MORN1: variants seen among roughly 807,000 people sequenced by gnomAD.
MORN1 encodes MORN repeat-containing protein 1.
MORN1 carries 67 observed loss-of-function variants against 61.9 expected under a neutral mutation model. The observed-to-expected ratio is 1.08, with a 90% CI of 0.89 to 1.33. MORN1 has a LOEUF of 1.33. Among genes scored for constraint, MORN1 ranks in the 40% most tolerant of loss-of-function variants. The pLI, the probability that MORN1 is intolerant of heterozygous loss-of-function variation, is 0.00. For missense variants in MORN1, 752 were observed against 691.2 expected (o/e 1.09, Z -0.99); for synonymous variants, 301 against 292.0 (o/e 1.03, Z -0.31).
Position 2,359,862 on chromosome 1 carries a change from G to A in MORN1, c.746-1147C>T, listed in dbSNP as rs368073726. On this transcript the variant is annotated intron_variant, in intron 8 of 13. Transcript: ENST00000378531. ...CATGCCACTGCACTCCAGCCAGGGC[G>A]ACAGAGAGAGACTCCGTCTCAAAAA... Among the ~76,000 whole-genome samples, 11 of 146,786 alleles carry A rather than the reference G, an allele frequency of 7.5e-5. 1 individual carries two copies. The highest frequency in any genetic ancestry group is 1.8e-4 in the African/African-American group (7 of 39,276).
rs763008569 is a variant in MORN1 at position 2,379,124 on chromosome 1, A to C, written c.538-4567T>G. 18 of 471,068 alleles carry C rather than the reference A, an allele frequency of 3.8e-5. 1 individual carries two copies. Among genetic ancestry groups the C allele is most frequent in the South Asian group, 2.6e-4 (17 of 64,570 alleles). The allele number at this position is 471,068 out of a possible 1,614,324, so 29.2% of individuals were successfully genotyped here. ...GAAAACACACCTGCTGTCGAGAGGG[A>C]GAACAGGTCTCCCGGAGGGGCCTCA... On this transcript the variant is annotated intron_variant, in intron 6 of 13. Transcript: ENST00000378531.
chr1:2,325,140 C>CTTCCTTCCTTCCT (rs371807562), intron 12 of MORN1, among the ~76,000 whole-genome samples: 1 of 6,690 alleles, frequency 1.5e-4, no homozygotes, highest in Non-Finnish European at 2.5e-4. Flanking sequence ...CCTTCCCTCC[C>CTTCCTTCCTTCCT]TCCCTCCCTT....
rs141849531 is a variant in MORN1, at chr1:2,360,559, G to C, written c.746-1844C>G. Among the ~76,000 whole-genome samples, 5 of 152,276 alleles carry C rather than the reference G, an allele frequency of 3.3e-5. No homozygotes were observed. In the East Asian group the frequency reaches 7.7e-4, roughly 24 times the overall value. ...TTGAGGAAAATGAGCAGAGAATCTG[G>C]GGAACAAGGCACACAGTCAGAGTTT... On this transcript the variant is annotated intron_variant, in intron 8 of 13. Coordinates refer to ENST00000378531, the MANE Select transcript of MORN1 (RefSeq NM_024848.3).
chr1:2,384,438 A>G (rs996358507), intron 6 of MORN1, among the ~76,000 whole-genome samples: 6 of 152,362 alleles, frequency 3.9e-5, no homozygotes, highest in Middle Eastern at 3.4e-3. Flanking sequence ...CCTCTTTGGC[A>G]TCAGCACTAT....
At chr1:2,356,862 C>T (rs1172702598) in intron 10 of MORN1, among the ~76,000 whole-genome samples, 1 of 152,214 alleles carries the variant, frequency 6.6e-6, no homozygotes, top group African/African-American at 2.4e-5. Context: ...GTCTAGGCCG[C>T]ACATTCTATG....
At chr1:2,322,130 G>C in intron 13 of MORN1, 13 of 985,426 alleles carry the variant, frequency 1.3e-5, no homozygotes, top group Non-Finnish European at 1.4e-5. Flanking sequence ...GGCCCTGCTG[G>C]GGGCACTCGG....
chr1:2,354,367 C>G (rs1228980117), intron 10 of MORN1, among the ~76,000 whole-genome samples: 1 of 151,832 alleles, frequency 6.6e-6, no homozygotes, highest in East Asian at 2.0e-4. Flanking sequence ...GAGTTTGAGA[C>G]CAGCCTGGGC....
intron 12 of MORN1, among the ~76,000 whole-genome samples, chr1:2,324,942 C>T (rs564383979): frequency 1.7e-3 from 252 of 149,618 alleles, no homozygotes; most frequent in African/African-American, 5.9e-3. Flanking sequence ...ATGGCCCTGG[C>T]GGGGAGGAGG....
chr1:2,391,422 C>T, intron 1 of MORN1, 36 bp downstream of exon 1: 1 of 1,255,064 alleles, frequency 8.0e-7, no homozygotes, highest in Non-Finnish European at 1.0e-6. Context: ...GAGCCCAGGG[C>T]AGCCAGCGAC....
chr1:2,363,762 C>CAAAA (rs373554325), intron 8 of MORN1: 13,047 of 125,132 alleles, frequency 0.1, 2,212 homozygotes, highest in African/African-American at 0.35. Flanking sequence ...GACCTTGTCT[C>CAAAA]AAAAAAGAAA....
intron 6 of MORN1, among the ~76,000 whole-genome samples, chr1:2,383,625 G>A (rs574241033): frequency 1.3e-5 from 2 of 152,284 alleles, no homozygotes; most frequent in East Asian, 1.9e-4. Flanking sequence ...TCCTCTCCAC[G>A]GCCACAGCAG....
intron 10 of MORN1, among the ~76,000 whole-genome samples, chr1:2,345,094 C>A (rs868620915): frequency 6.6e-6 from 1 of 151,932 alleles, no homozygotes; most frequent in Non-Finnish European, 1.5e-5. Flanking sequence ...CGCGTGCTCA[C>A]GCTCTACGCT....
rs776249886 is a variant in MORN1, at chr1:2,358,572, T to C, written c.869+20A>G. The C allele has an allele frequency of 1.2e-5, 19 of 1,613,888 alleles. No homozygotes were observed. The highest frequency in any genetic ancestry group is 4.0e-5 in the African/African-American group (3 of 75,040). On this transcript the variant is annotated intron_variant, in intron 9 of 13. Transcript: ENST00000378531. ...TCAAAACAAACTCAGAACTAACTCA[T>C]TGGTGTCACACGTACTCACAATGGG...
chr1:2,322,566 A>C, intron 13 of MORN1: 1 of 985,250 alleles, frequency 1.0e-6, no homozygotes. Flanking sequence ...GAAAAAAAAA[A>C]ACACGGTTCT....
At chr1:2,376,344 T>A (rs1357255547) in intron 6 of MORN1, 2 of 152,320 alleles carry the variant, frequency 1.3e-5, no homozygotes, top group Non-Finnish European at 2.9e-5. Flanking sequence ...AGCTGAGGGC[T>A]CTTCAGGGCG....
intron 10 of MORN1, chr1:2,350,273 T>C (rs1262940469): frequency 1.3e-5 from 2 of 152,242 alleles, no homozygotes; most frequent in African/African-American, 4.8e-5. Flanking sequence ...GAAATCATCT[T>C]TTCTTCTCAA....
At position 2,327,765 on chromosome 1, in the gene MORN1, G is replaced by A. The variant is rs114767326; in HGVS notation, c.1251-3622C>T. Among the ~76,000 whole-genome samples the A allele has an allele frequency of 9.4e-3, 1,427 of 152,364 alleles. 24 individuals carry two copies. Among genetic ancestry groups the A allele is most frequent in the African/African-American group, 0.032 (1,326 of 41,598 alleles). On this transcript the variant is annotated intron_variant, in intron 12 of 13. Transcript: ENST00000378531. ...CTCTGCAAGGCTAACAAGGTGCTGC[G>A]CCCGGCTCCCTCCTCTTGCCTGTGC...
In MORN1 at chr1:2,357,716, C is replaced by T; in HGVS notation, c.870-118G>A. ...TTGCCTACACTGAGTCCAGGGAGCG[C>T]TACTCAGCCTCTCTGGGAGGTCTCC... is the stretch of plus-strand genomic sequence containing the variant. On this transcript the variant is annotated intron_variant, in intron 9 of 13. Coordinates refer to ENST00000378531, the MANE Select transcript of MORN1 (RefSeq NM_024848.3). The surrounding 1 kb of genome is among the most constrained non-coding windows in gnomAD (Gnocchi z 6.3). 4 of 1,201,046 alleles carry T rather than the reference C, an allele frequency of 3.3e-6. No individual in the cohort carries two copies. Among genetic ancestry groups the T allele is most frequent in the Non-Finnish European group, 4.4e-6 (4 of 901,438 alleles). The allele number at this position is 1,201,046 out of a possible 1,614,324, so 74.4% of individuals were successfully genotyped here. A position where few individuals can be genotyped will look rare whatever the true frequency, so the allele number is the denominator to read the frequency against.
At chr1:2,322,776 G>A (rs1042099791) in intron 13 of MORN1, 10 of 985,432 alleles carry the variant, frequency 1.0e-5, no homozygotes, top group Non-Finnish European at 1.1e-5. Context: ...CCGGGGGGCC[G>A]AGAGCTCAGT....
Sources: allele counts gnomAD v4.1 joint callset (sites outside exome capture counted in the v4.1 genomes callset), GRCh38; gene constraint gnomAD v4.1.1; non-coding constraint Gnocchi (gnomAD v3.1); transcripts MANE v1.5; gene names NCBI Gene and HGNC (gene_info 2026-07-23, HGNC 2026-07-21).